Variants in NOL10 observed in about 807,000 individuals in gnomAD.
NOL10 encodes the protein nucleolar protein 10.
NOL10 carries 58 observed loss-of-function variants against 103.5 expected under a neutral mutation model. The ratio of observed to expected loss-of-function variants is 0.56; its 90% CI spans 0.45 to 0.70. The LOEUF (loss-of-function observed/expected upper bound fraction) is 0.70, where lower values mean the gene tolerates loss of function less well. NOL10 is among the 30% of genes least tolerant of loss of function. The pLI is 0.00. For missense variants in NOL10, 763 were observed against 807.3 expected (o/e 0.95, Z 0.67); for synonymous variants, 287 against 282.5 (o/e 1.02, Z -0.16).
intron 13 of NOL10, among the ~76,000 whole-genome samples, chr2:10,636,420 CAAAA>C (rs70953327): frequency 0.043 from 2,326 of 54,710 alleles, 66 homozygotes; most frequent in East Asian, 0.16. Flanking sequence ...TACAAAAAAC[CAAAA>C]AAAAAAAAAA....
intron 20 of NOL10, among the ~76,000 whole-genome samples, chr2:10,577,355 A>C (rs969243652): frequency 6.6e-6 from 1 of 152,164 alleles, no homozygotes; most frequent in Non-Finnish European, 1.5e-5. Flanking sequence ...GCAATCCAGA[A>C]ACCAAGACGG....
At chr2:10,601,343 C>T (rs1194341771) in intron 16 of NOL10, among the ~76,000 whole-genome samples, 1 of 152,184 alleles carries the variant, frequency 6.6e-6, no homozygotes, top group Non-Finnish European at 1.5e-5. Context: ...GGATTACAGG[C>T]ATGAGCCACC....
At chr2:10,661,926 A>C (rs1399943826) in intron 9 of NOL10, among the ~76,000 whole-genome samples, 1 of 151,738 alleles carries the variant, frequency 6.6e-6, no homozygotes, top group Non-Finnish European at 1.5e-5. Context: ...AAAACCCTCT[A>C]GTTTTTACAT....
intron 19 of NOL10, among the ~76,000 whole-genome samples, chr2:10,588,502 C>T (rs1675232072): frequency 2.0e-5 from 3 of 152,160 alleles, no homozygotes; most frequent in Non-Finnish European, 4.4e-5. Flanking sequence ...TTCCAAGTAA[C>T]CTTTTCAATA....
chr2:10,578,829 TGA>T (rs1486605265), intron 19 of NOL10, among the ~76,000 whole-genome samples: 1 of 152,100 alleles, frequency 6.6e-6, no homozygotes, highest in Non-Finnish European at 1.5e-5. Context: ...CTGATAAGAT[TGA>T]GAGAGATGCG....
chr2:10,632,609 T>C (rs1436495184), intron 13 of NOL10, among the ~76,000 whole-genome samples: 1 of 152,200 alleles, frequency 6.6e-6, no homozygotes, highest in East Asian at 1.9e-4. Context: ...TGGTGGACAG[T>C]TTATACCTTT....
At chr2:10,631,493 G>A (rs769153614) in intron 13 of NOL10, among the ~76,000 whole-genome samples, 1 of 151,058 alleles carries the variant, frequency 6.6e-6, no homozygotes, top group Non-Finnish European at 1.5e-5. Context: ...GATTTTTATA[G>A]GAAAAAAAAG....
intron 19 of NOL10, among the ~76,000 whole-genome samples, chr2:10,583,996 G>A (rs1674894861): frequency 6.6e-6 from 1 of 152,166 alleles, no homozygotes; most frequent in Non-Finnish European, 1.5e-5. Context: ...TAAGATCGTG[G>A]CTTTCCAGTG....
chr2:10,629,779 C>T (rs1161042476), intron 13 of NOL10, among the ~76,000 whole-genome samples: 2 of 152,218 alleles, frequency 1.3e-5, no homozygotes, highest in Admixed American at 6.5e-5. Flanking sequence ...TCCTTGCTCA[C>T]ATTCACAAGT....
chr2:10,601,629 C>T lies in NOL10; in HGVS notation c.1333-687G>A, dbSNP rs745360893. On this transcript the variant is annotated intron_variant, in intron 16 of 20. Coordinates refer to ENST00000381685, the MANE Select transcript of NOL10 (RefSeq NM_024894.4). ...AAGTTAAAGACCAGCCTGGGCAACA[C>T]GGCAAAATTCTGTCTCTACTAAAAC... Among the ~76,000 whole-genome samples, 16 of 152,186 alleles carry T rather than the reference C, an allele frequency of 1.1e-4. 1 individual carries two copies. Among genetic ancestry groups the T allele is most frequent in the Middle Eastern group, 6.8e-3 (2 of 294 alleles).
intron 6 of NOL10, among the ~76,000 whole-genome samples, 189 bp from the exon 7 acceptor site, chr2:10,668,912 C>T (rs1680729141): frequency 6.6e-6 from 1 of 151,848 alleles, no homozygotes; most frequent in South Asian, 2.1e-4. Flanking sequence ...TGATTTAAAC[C>T]ATTCATGTGC....
chr2:10,640,945 G>A (rs1248607437), intron 13 of NOL10, among the ~76,000 whole-genome samples: 1 of 152,130 alleles, frequency 6.6e-6, no homozygotes, highest in East Asian at 1.9e-4. Context: ...AGCACTTTGG[G>A]AGGCTGAGGC....
At chr2:10,595,461 C>A (rs1188073864) in intron 17 of NOL10, among the ~76,000 whole-genome samples, 1 of 152,140 alleles carries the variant, frequency 6.6e-6, no homozygotes, top group Non-Finnish European at 1.5e-5. Flanking sequence ...TGCACCACTA[C>A]ACCCAGCTAA....
rs566429655 is a variant in NOL10, at chr2:10,603,125, G to A, written c.1186C>T (p.Arg396Trp). Reference protein sequence around the residue: ...LTHLIGSPFLRAYMHGFFMDI... With the variant: ...LTHLIGSPFLWAYMHGFFMDI... ...ATGAAAAACCCATGCATATATGCCC[G>A]GAGGAAAGGAGATCCAATGAGGTGG... The change falls in exon 15 of 21, where the codon CGG (arginine) becomes TGG (tryptophan). Residue 396 changes from arginine to tryptophan, a missense_variant. Arg to Trp is a moderately radical substitution (Grantham distance 101). Transcript: ENST00000381685. The A allele has an allele frequency of 4.3e-5, 70 of 1,611,442 alleles. No homozygotes were observed. Among genetic ancestry groups the A allele is most frequent in the Non-Finnish European group, 5.2e-5 (61 of 1,178,712 alleles).
chr2:10,631,640 C>T (rs944757630), intron 13 of NOL10, among the ~76,000 whole-genome samples: 4 of 152,106 alleles, frequency 2.6e-5, no homozygotes, highest in African/African-American at 9.7e-5. Flanking sequence ...CAAGAAGGCA[C>T]TGTCAGAGCC....
chr2:10,638,046 C>T (rs774130136), intron 13 of NOL10, among the ~76,000 whole-genome samples: 11 of 152,128 alleles, frequency 7.2e-5, no homozygotes, highest in Non-Finnish European at 1.5e-4. Context: ...CTTTGGGAGG[C>T]CAACGTGGGA....
intron 1 of NOL10, among the ~76,000 whole-genome samples, chr2:10,689,223 A>C (rs1191910733): frequency 6.6e-6 from 1 of 152,184 alleles, no homozygotes; most frequent in African/African-American, 2.4e-5. Flanking sequence ...CTGCATTACT[A>C]AACACGAGAA....
In NOL10 at chr2:10,657,835, A is replaced by G; in HGVS notation, c.813T>C (p.Tyr271=). 6.4e-7 allele frequency: 1 copy of G among 1,550,452 alleles called. No homozygotes were observed. Among genetic ancestry groups the G allele is most frequent in the Non-Finnish European group, 8.7e-7 (1 of 1,146,284 alleles). Residue 271 remains tyrosine, a synonymous_variant, in exon 11 of 21, where the codon TAT becomes TAC. Coordinates refer to ENST00000381685, the MANE Select transcript of NOL10 (RefSeq NM_024894.4). Reference sequence around the variant, plus strand: ...AATGAACGGACTTAATGGGCAGCCCATACTGGTGATCTTTAACTAGCAATG... The same window carrying G: ...AATGAACGGACTTAATGGGCAGCCCGTACTGGTGATCTTTAACTAGCAATG... ...DKPLLVKDHQ[Y]GLPIKSVHFQ... is the part of the protein sequence containing the mutation.
At chr2:10,590,012 C>T (rs933694263) in intron 17 of NOL10, among the ~76,000 whole-genome samples, 1 of 152,124 alleles carries the variant, frequency 6.6e-6, no homozygotes, top group Non-Finnish European at 1.5e-5. Flanking sequence ...AAGAATGACC[C>T]TTTTGGCTAA....
Sources: gnomAD v4.1 joint callset for allele counts (sites outside exome capture counted in the v4.1 genomes callset) on GRCh38, gnomAD v4.1.1 for gene constraint, MANE v1.5 for transcripts, NCBI Gene and HGNC (gene_info 2026-07-23, HGNC 2026-07-21) for gene names.